THSD7B: variants seen among roughly 807,000 people sequenced by gnomAD.
THSD7B encodes the protein thrombospondin type 1 domain containing 7B, also known as thrombospondin type-1 domain-containing protein 7B.
A neutral mutation model predicts 213.6 loss-of-function variants in THSD7B; 138 were observed. The observed-to-expected ratio is 0.65, with a 90% CI of 0.56 to 0.74. The LOEUF (loss-of-function observed/expected upper bound fraction) is 0.74, where lower values mean the gene tolerates loss of function less well. THSD7B is among the 30% of genes least tolerant of loss of function. The pLI is 0.00. For missense variants in THSD7B, 1,931 were observed against 1,991.5 expected (o/e 0.97, Z 0.58); for synonymous variants, 742 against 687.0 (o/e 1.08, Z -1.25).
chr2:137,247,073 T>C (rs1573910112), intron 10 of THSD7B, among the ~76,000 whole-genome samples: 1 of 152,198 alleles, frequency 6.6e-6, no homozygotes, highest in South Asian at 2.1e-4. Flanking sequence ...CAGCCTGTTA[T>C]AGGAGACCAT....
At chr2:136,985,303 C>T (rs951071304) in intron 2 of THSD7B, among the ~76,000 whole-genome samples, 2 of 152,130 alleles carry the variant, frequency 1.3e-5, no homozygotes, top group Admixed American at 1.3e-4. Context: ...CTCATCACAG[C>T]CCCAGAGACC....
intron 15 of THSD7B, among the ~76,000 whole-genome samples, chr2:137,551,974 A>G (rs1216762085): frequency 6.6e-6 from 1 of 152,160 alleles, no homozygotes; most frequent in Non-Finnish European, 1.5e-5. Flanking sequence ...TGAGAGACCA[A>G]TAGTACACGT....
intron 3 of THSD7B, among the ~76,000 whole-genome samples, chr2:137,084,780 T>A (rs1487223251): frequency 1.3e-5 from 2 of 152,160 alleles, no homozygotes; most frequent in African/African-American, 2.4e-5. Flanking sequence ...CATCAAACTT[T>A]ATGTGAAAAG....
At chr2:137,405,198 C>A (rs199895603) in intron 12 of THSD7B, among the ~76,000 whole-genome samples, 664 of 139,936 alleles carry the variant, frequency 4.7e-3, no homozygotes, top group Non-Finnish European at 6.2e-3. Context: ...TCTAAACAAG[C>A]AAAAAAAAAA....
intron 1 of THSD7B, among the ~76,000 whole-genome samples, chr2:136,875,642 G>A (rs552313064): frequency 6.6e-5 from 10 of 152,230 alleles, no homozygotes; most frequent in South Asian, 2.1e-4. Context: ...CAGGAGCCCC[G>A]TAGTTTCTCC....
chr2:137,290,708 A>G (rs915483203), intron 12 of THSD7B, among the ~76,000 whole-genome samples: 2 of 152,132 alleles, frequency 1.3e-5, no homozygotes, highest in African/African-American at 2.4e-5. Context: ...TAGAGACAAT[A>G]TAATGATCAT....
intron 1 of THSD7B, among the ~76,000 whole-genome samples, chr2:136,783,678 G>C (rs1681788108): frequency 6.6e-6 from 1 of 152,206 alleles, no homozygotes; most frequent in Non-Finnish European, 1.5e-5. Context: ...AGGCCCTCCA[G>C]TTGGAAGACC....
chr2:137,019,711 T>C (rs540056957), intron 2 of THSD7B, among the ~76,000 whole-genome samples: 53 of 152,314 alleles, frequency 3.5e-4, no homozygotes, highest in African/African-American at 1.1e-3. Context: ...TATAATTATA[T>C]TGTGAGCACC....
chr2:136,993,807 G>A (rs1685830676), intron 2 of THSD7B, among the ~76,000 whole-genome samples: 1 of 151,708 alleles, frequency 6.6e-6, no homozygotes, highest in Admixed American at 6.6e-5. Flanking sequence ...ATGACCCATG[G>A]CCAAAGGTGG....
At chr2:137,285,153 A>G (rs1683138686) in intron 12 of THSD7B, among the ~76,000 whole-genome samples, 2 of 152,118 alleles carry the variant, frequency 1.3e-5, no homozygotes, top group African/African-American at 2.4e-5. Flanking sequence ...ACCATTATGT[A>G]ATGGCCTTCT....
At chr2:137,284,646 T>A (rs1182923708) in intron 12 of THSD7B, among the ~76,000 whole-genome samples, 2 of 152,180 alleles carry the variant, frequency 1.3e-5, no homozygotes, top group Admixed American at 6.5e-5. Flanking sequence ...TCTGCCTTCA[T>A]TTTATTATGC....
chr2:137,293,696 A>T lies in THSD7B; in HGVS notation c.2500+17670A>T, dbSNP rs149433088. 5.8e-3 allele frequency among the ~76,000 whole-genome samples: 885 copies of T among 152,148 alleles called. 10 individuals are homozygous for T. Among genetic ancestry groups the T allele is most frequent in the African/African-American group, 0.02 (848 of 41,522 alleles). ...TCTGAAATTTTCCCAATTTTTAACC[A>T]ATTATATATTTTATTAGACACAAGA... is the stretch of plus-strand genomic sequence containing the variant. On this transcript the variant is annotated intron_variant, in intron 12 of 27. Coordinates refer to ENST00000409968, the MANE Select transcript of THSD7B (RefSeq NM_001316349.2).
chr2:137,459,480 A>G (rs770371459), intron 15 of THSD7B, among the ~76,000 whole-genome samples: 11 of 152,168 alleles, frequency 7.2e-5, no homozygotes, highest in Non-Finnish European at 1.3e-4. Flanking sequence ...AGCCTGGCCA[A>G]CATGGTGAAA....
At chr2:136,960,462 C>T (rs998561583) in intron 2 of THSD7B, among the ~76,000 whole-genome samples, 3 of 152,092 alleles carry the variant, frequency 2.0e-5, no homozygotes, top group Non-Finnish European at 4.4e-5. Flanking sequence ...AACGTCTCTT[C>T]CCCATGTAAA....
intron 2 of THSD7B, among the ~76,000 whole-genome samples, chr2:136,944,796 T>G (rs1281875274): frequency 6.6e-6 from 1 of 151,436 alleles, no homozygotes; most frequent in East Asian, 2.0e-4. Context: ...GCATGTGAGA[T>G]GGGTCTCCTG....
At chr2:137,275,900 T>A in intron 11 of THSD7B, 23 bp from the exon 12 acceptor site, 1 of 1,577,064 alleles carries the variant, frequency 6.3e-7, no homozygotes, top group Non-Finnish European at 8.7e-7. Context: ...AAGTTTCTAG[T>A]CCATCGTTTT....
chr2:137,583,963 T>C (rs992108139), intron 17 of THSD7B, among the ~76,000 whole-genome samples: 1 of 152,206 alleles, frequency 6.6e-6, no homozygotes, highest in African/African-American at 2.4e-5. Flanking sequence ...ATTCTTCCTA[T>C]CCATGAGCAT....
chr2:137,418,950 C>G (rs1057514848), intron 14 of THSD7B, among the ~76,000 whole-genome samples: 1 of 151,818 alleles, frequency 6.6e-6, no homozygotes, highest in Non-Finnish European at 1.5e-5. Flanking sequence ...CTCTGTCACC[C>G]AGGCTGGAGT....
chr2:137,076,080 G>A (rs991837782), intron 3 of THSD7B, among the ~76,000 whole-genome samples: 7 of 152,292 alleles, frequency 4.6e-5, no homozygotes, highest in East Asian at 1.9e-4. Context: ...ATCTCAAGCT[G>A]CATGCTGGGA....
Sources: gnomAD v4.1 joint callset for allele counts (sites outside exome capture counted in the v4.1 genomes callset) on GRCh38, gnomAD v4.1.1 for gene constraint, MANE v1.5 for transcripts, NCBI Gene and HGNC (gene_info 2026-07-23, HGNC 2026-07-21) for gene names.